BEAN1: variants seen among roughly 807,000 people sequenced by gnomAD.
The protein encoded by BEAN1 is brain expressed associated with NEDD4 1, also known as protein BEAN1.
In BEAN1, 17 loss-of-function variants were observed where a neutral mutation model predicts 17.7. The observed-to-expected ratio is 0.96, with a 90% CI of 0.66 to 1.44. The LOEUF (loss-of-function observed/expected upper bound fraction) is 1.44. Among genes scored for constraint, BEAN1 ranks in the 40% most tolerant of loss-of-function variants. The probability of loss-of-function intolerance (pLI) is 0.00; values close to 1 mark genes in which losing one functional copy is unlikely to be tolerated. For missense variants in BEAN1, 359 were observed against 374.1 expected, an observed-to-expected ratio of 0.96 and a Z score of 0.33; for synonymous variants, 142 against 151.8, an observed-to-expected ratio of 0.94 and a Z score of 0.47.
At chr16:66,442,262 C>T (rs985827841) in intron 2 of BEAN1, among the ~76,000 whole-genome samples, 1 of 152,186 alleles carries the variant, frequency 6.6e-6, no homozygotes. Context: ...AAAGGTGGCC[C>T]AGGACTCCCC....
In BEAN1 at chr16:66,437,618, G is replaced by A. The variant is rs954668996; in HGVS notation, c.-59G>A. ...AGGTGAGTGGAGGGGCCTTCCCTGCGAGAAGTCAGAGCTGTGCCCGTGGGC... is the reference window on the plus strand; with the variant it reads ...AGGTGAGTGGAGGGGCCTTCCCTGCAAGAAGTCAGAGCTGTGCCCGTGGGC... On this transcript the variant is annotated 5_prime_UTR_variant, in exon 2 of 5. Transcript: ENST00000536005. 1.1e-4 allele frequency: 167 copies of A among 1,515,798 alleles called. No individual in the cohort carries two copies. Among genetic ancestry groups the A allele is most frequent in the East Asian group, 3.2e-4 (13 of 40,730 alleles). 93.9% of individuals were successfully genotyped at this position (1,515,798 alleles called of 1,614,324 possible).
chr16:66,470,600 A>T (rs977144548), intron 3 of BEAN1, among the ~76,000 whole-genome samples: 14 of 152,194 alleles, frequency 9.2e-5, no homozygotes, highest in Non-Finnish European at 7.3e-5. Flanking sequence ...GAATAAAACT[A>T]TCCCTGGTGA....
At chr16:66,440,806 C>G (rs1019377976) in intron 2 of BEAN1, among the ~76,000 whole-genome samples, 10 of 152,232 alleles carry the variant, frequency 6.6e-5, no homozygotes, top group African/African-American at 2.2e-4. Flanking sequence ...GAGTTTCAAC[C>G]TGACCCAAAC....
intron 2 of BEAN1, among the ~76,000 whole-genome samples, chr16:66,457,628 T>C (rs1044690457): frequency 6.6e-6 from 1 of 152,196 alleles, no homozygotes; most frequent in Non-Finnish European, 1.5e-5. Flanking sequence ...TCTCTCCCTT[T>C]ACTGATCCTG....
intron 2 of BEAN1, among the ~76,000 whole-genome samples, chr16:66,468,074 C>CCCT (rs916096445): frequency 2.2e-4 from 33 of 152,290 alleles, no homozygotes; most frequent in African/African-American, 7.7e-4. Flanking sequence ...GGGAAAAAAG[C>CCCT]CCTCCTACAG....
At chr16:66,437,146 A>G (rs1408296147) in intron 1 of BEAN1, among the ~76,000 whole-genome samples, 1 of 152,154 alleles carries the variant, frequency 6.6e-6, no homozygotes, top group Non-Finnish European at 1.5e-5. Context: ...GCTAGGTGTC[A>G]ATGAACACCC....
At chr16:66,485,229 A>G, downstream of BEAN1, 1 of 401,420 alleles carries the variant, frequency 2.5e-6, no homozygotes, top group South Asian at 1.8e-5. Context: ...CCCCTGGCAC[A>G]CACTCACATG....
intron 3 of BEAN1, among the ~76,000 whole-genome samples, chr16:66,477,131 G>C (rs924199025): frequency 6.6e-6 from 1 of 152,000 alleles, no homozygotes; most frequent in South Asian, 2.1e-4. Context: ...CCCTCCTCCC[G>C]GCCTTCCCCT....
Position 66,458,102 on chromosome 16 carries a change from C to T in BEAN1, c.26-11500C>T, listed in dbSNP as rs555169458. 1.6e-4 allele frequency among the ~76,000 whole-genome samples: 25 copies of T among 152,278 alleles called. 1 individual carries two copies. In the South Asian group the frequency reaches 3.7e-3, roughly 23 times the overall value. ...TCCATTAGTTCTGAGTCCTTGGCCC[C>T]CCTTCTCCCTCTAACCAGCATCTCT... On this transcript the variant is annotated intron_variant, in intron 2 of 4. Coordinates refer to ENST00000536005, the MANE Select transcript of BEAN1 (RefSeq NM_001178020.3).
chr16:66,430,086 G>A (rs981433395), intron 1 of BEAN1, among the ~76,000 whole-genome samples: 10 of 152,278 alleles, frequency 6.6e-5, no homozygotes, highest in African/African-American at 2.2e-4. Context: ...GAGCTGGACC[G>A]CCTGGGTTTA....
chr16:66,492,499 G>A lies in BEAN1; in HGVS notation c.148-463G>A, dbSNP rs137855693. Reference sequence around the variant, plus strand: ...GTGTGGCCCAGGCTGGAGAGCAGTGGTGCAATCTGTCCTCACTGCAACCTC... The same window carrying A: ...GTGTGGCCCAGGCTGGAGAGCAGTGATGCAATCTGTCCTCACTGCAACCTC... On this transcript the variant is annotated intron_variant, in intron 4 of 4. Transcript: ENST00000561796. Among the ~76,000 whole-genome samples, 634 of 152,042 alleles carry A rather than the reference G, an allele frequency of 4.2e-3. 2 individuals are homozygous for A. The highest frequency in any genetic ancestry group is 0.014 in the African/African-American group (591 of 41,458).
rs1168428420 is a variant in BEAN1, at chr16:66,481,184, G to A, written c.*259G>A. On this transcript the variant is annotated 3_prime_UTR_variant, in exon 5 of 5. Transcript: ENST00000536005. This position sits in a 1 kb window ranked among gnomAD's most constrained non-coding sequence, Gnocchi z 4.1. ...CCCACCTGCAAAGGTTTCACGGAACGTGGAGCTCTCCTGGCCTCCCGTCCC... is the reference window on the plus strand; with the variant it reads ...CCCACCTGCAAAGGTTTCACGGAACATGGAGCTCTCCTGGCCTCCCGTCCC... The A allele has an allele frequency of 2.2e-5, 9 of 416,130 alleles. No individual in the cohort carries two copies. The highest frequency in any genetic ancestry group is 3.5e-5 in the East Asian group (1 of 28,280). 25.8% of individuals were successfully genotyped at this position (416,130 alleles called of 1,614,324 possible).
At chr16:66,443,086 T>A (rs530676556) in intron 2 of BEAN1, among the ~76,000 whole-genome samples, 3 of 152,346 alleles carry the variant, frequency 2.0e-5, no homozygotes. Flanking sequence ...TCTTTCCCAC[T>A]GAGCTGGAAC....
intron 2 of BEAN1, among the ~76,000 whole-genome samples, chr16:66,455,436 G>A (rs1962827445): frequency 6.6e-6 from 1 of 152,234 alleles, no homozygotes; most frequent in African/African-American, 2.4e-5. Flanking sequence ...GAGAGCCAAA[G>A]AAGGAATGAT....
At position 66,427,492 on chromosome 16, in the gene BEAN1, C is replaced by A. The variant is rs1279039074; in HGVS notation, c.-83+61C>A. On this transcript the variant is annotated intron_variant, in intron 1 of 4. Transcript: ENST00000536005. The surrounding 1 kb of genome is among the most constrained non-coding windows in gnomAD (Gnocchi z 4.7). Reference sequence around the variant, plus strand: ...GCGGGCGGGGGGTCCCGGCCCCATTCCCCCGCGCTCTGCGGTGGTACCGGC... The same window carrying A: ...GCGGGCGGGGGGTCCCGGCCCCATTACCCCGCGCTCTGCGGTGGTACCGGC... 8 of 151,410 alleles carry A rather than the reference C, an allele frequency of 5.3e-5. No individual in the cohort carries two copies. The South Asian group carries it at 1.0e-3, about 20-fold the overall frequency. 9.4% of individuals were successfully genotyped at this position (151,410 alleles called of 1,614,324 possible). A position where few individuals can be genotyped will look rare whatever the true frequency, so the allele number is the denominator to read the frequency against.
At chr16:66,472,839 G>A (rs1281144322) in intron 3 of BEAN1, among the ~76,000 whole-genome samples, 2 of 151,958 alleles carry the variant, frequency 1.3e-5, no homozygotes, top group East Asian at 1.9e-4. Context: ...GGGCAACACA[G>A]CAAGACCCCA....
chr16:66,458,189 C>T (rs577313119), intron 2 of BEAN1, among the ~76,000 whole-genome samples: 3 of 152,320 alleles, frequency 2.0e-5, no homozygotes, highest in Admixed American at 6.5e-5. Context: ...GTCTCTGTTC[C>T]TTCCCTTTGT....
intron 2 of BEAN1, among the ~76,000 whole-genome samples, chr16:66,439,481 C>T (rs939174659): frequency 1.3e-5 from 2 of 152,308 alleles, no homozygotes; most frequent in East Asian, 3.9e-4. Flanking sequence ...GCTGGGGATG[C>T]TGAGTGCGGA....
chr16:66,456,673 C>T (rs969595440), intron 2 of BEAN1, among the ~76,000 whole-genome samples: 6 of 152,186 alleles, frequency 3.9e-5, no homozygotes, highest in Admixed American at 3.3e-4. Context: ...AACCAGTTTG[C>T]CATTTGCTCT....
Sources: allele counts gnomAD v4.1 joint callset (sites outside exome capture counted in the v4.1 genomes callset), GRCh38; gene constraint gnomAD v4.1.1; non-coding constraint Gnocchi (gnomAD v3.1); transcripts MANE v1.5; gene names NCBI Gene and HGNC (gene_info 2026-07-23, HGNC 2026-07-21).